Variants in ANK3 observed in about 807,000 individuals in gnomAD.
ANK3 encodes ankyrin-3.
Under a neutral mutation model 370.9 loss-of-function variants are expected in ANK3, and 57 were observed. The observed-to-expected ratio is 0.15, with a 90% confidence interval of 0.12 to 0.19. ANK3 has a LOEUF of 0.19. Among genes scored for constraint, ANK3 ranks in the 10% least tolerant of loss-of-function variants. The pLI is 1.00. For synonymous variants in ANK3, 1,929 were observed against 1,946.3 expected (o/e 0.99, Z 0.23); for missense variants, 4,439 against 5,302.1 (o/e 0.84, Z 5.06).
intron 2 of ANK3, among the ~76,000 whole-genome samples, chr10:60,579,154 G>A (rs750071056): frequency 2.6e-5 from 4 of 151,476 alleles, no homozygotes; most frequent in Non-Finnish European, 5.9e-5. Context: ...GTGAAACCCC[G>A]TCTCTACTAA....
intron 1 of ANK3, among the ~76,000 whole-genome samples, chr10:60,389,202 G>A (rs1026016897): frequency 1.3e-5 from 2 of 151,928 alleles, no homozygotes; most frequent in East Asian, 3.9e-4. Flanking sequence ...CACACTTTCC[G>A]CATAGCCCTG....
intron 2 of ANK3, among the ~76,000 whole-genome samples, chr10:60,563,203 G>T (rs896744184): frequency 2.0e-5 from 3 of 152,112 alleles, no homozygotes; most frequent in Non-Finnish European, 2.9e-5. Flanking sequence ...GATTAAGCAA[G>T]CAGTTTTCTG....
chr10:60,221,713 G>A (rs1025231648), intron 8 of ANK3, among the ~76,000 whole-genome samples: 3 of 152,150 alleles, frequency 2.0e-5, no homozygotes, highest in African/African-American at 7.2e-5. Flanking sequence ...ACGAGGCTTG[G>A]ACTATGAGTG....
chr10:60,205,254 T>C (rs1368272823), intron 11 of ANK3, among the ~76,000 whole-genome samples: 1 of 152,158 alleles, frequency 6.6e-6, no homozygotes, highest in Non-Finnish European at 1.5e-5. Flanking sequence ...AGAGTAACCC[T>C]TACTTGAGAA....
At chr10:60,108,062 TA>T (rs2092374165) in intron 27 of ANK3, 5 of 262,818 alleles carry the variant, frequency 1.9e-5, no homozygotes, top group African/African-American at 7.1e-5. Context: ...CTGAAAGCAT[TA>T]AAAAAAACTT....
At chr10:60,235,942 T>C (rs1052032828) in intron 7 of ANK3, among the ~76,000 whole-genome samples, 2 of 152,178 alleles carry the variant, frequency 1.3e-5, no homozygotes, top group Non-Finnish European at 2.9e-5. Context: ...CAATCCCCAT[T>C]TTACACATGC....
chr10:60,403,854 G>T (rs535260118), intron 2 of ANK3, among the ~76,000 whole-genome samples: 44 of 152,182 alleles, frequency 2.9e-4, no homozygotes, highest in African/African-American at 1.1e-3. Context: ...AAATCCTAAA[G>T]AATTTATGAA....
chr10:60,046,778 G>A (rs2077035034), intron 42 of ANK3, among the ~76,000 whole-genome samples: 1 of 151,124 alleles, frequency 6.6e-6, no homozygotes, highest in Non-Finnish European at 1.5e-5. Context: ...GAGCTCTAAG[G>A]CCTCTCTTCA....
intron 2 of ANK3, among the ~76,000 whole-genome samples, chr10:60,583,739 T>C (rs532381211): frequency 6.3e-4 from 96 of 152,074 alleles, no homozygotes; most frequent in African/African-American, 2.3e-3. Flanking sequence ...CATACTACCA[T>C]GCCTGGCTAA....
intron 23 of ANK3, among the ~76,000 whole-genome samples, chr10:60,146,928 G>A (rs1182494180): frequency 3.3e-5 from 5 of 152,126 alleles, no homozygotes; most frequent in Non-Finnish European, 5.9e-5. Context: ...AAGAAATATG[G>A]TAGGATTAGG....
At chr10:60,674,622 A>G (rs2079102126) in intron 1 of ANK3, among the ~76,000 whole-genome samples, 2 of 152,206 alleles carry the variant, frequency 1.3e-5, no homozygotes, top group African/African-American at 4.8e-5. Context: ...GATTTGGAGG[A>G]GACAAACATC....
intron 43 of ANK3, among the ~76,000 whole-genome samples, chr10:60,040,345 T>G (rs2075870010): frequency 6.6e-6 from 1 of 152,116 alleles, no homozygotes. Flanking sequence ...TCAATATATT[T>G]GCAAATTGAT....
intron 25 of ANK3, among the ~76,000 whole-genome samples, chr10:60,121,841 T>C (rs1319471600): frequency 6.6e-6 from 1 of 152,216 alleles, no homozygotes; most frequent in Middle Eastern, 3.2e-3. Context: ...AGGTGATAGA[T>C]ACCCCATTTG....
At chr10:60,240,299 TATATATA>T (rs1430999615) in intron 7 of ANK3, among the ~76,000 whole-genome samples, 10 of 101,798 alleles carry the variant, frequency 9.8e-5, no homozygotes, top group African/African-American at 3.0e-4. Context: ...TATATATATA[TATATATA>T]TTTTTTTTTC....
At chr10:60,086,917 G>GA in intron 29 of ANK3, 33 bp from the exon 30 acceptor site, 3 of 1,131,154 alleles carry the variant, frequency 2.7e-6, no homozygotes, top group Non-Finnish European at 2.3e-6. Flanking sequence ...AAATGAAAGT[G>GA]ACTTTTTTTT....
rs202059422 is a variant in ANK3, at chr10:60,366,051, TAG to T, written c.114+23372_114+23373del. Among the ~76,000 whole-genome samples the T allele has an allele frequency of 2.5e-3, 382 of 152,276 alleles. 3 individuals are homozygous for T. Among genetic ancestry groups the T allele is most frequent in the Middle Eastern group, 0.02 (6 of 294 alleles). On this transcript the variant is annotated intron_variant, in intron 1 of 43. Transcript: ENST00000280772. ...TACCTGTGTTTTAGGACTAAAATAT[TAG>T]GCCAGGCATGGTGGCTCACACCTGT...
chr10:60,080,639 G>T (rs2132001432), intron 35 of ANK3, 21 bp from the exon 36 acceptor site: 1 of 1,496,324 alleles, frequency 6.7e-7, no homozygotes, highest in Non-Finnish European at 9.0e-7. Context: ...AAAAAAAAAA[G>T]ACAACTCTAT....
At chr10:60,100,467 T>A (rs1464733025) in intron 28 of ANK3, among the ~76,000 whole-genome samples, 1 of 152,080 alleles carries the variant, frequency 6.6e-6, no homozygotes. Context: ...TGAACCCAAT[T>A]GGCAACTTCT....
At chr10:60,198,274 T>C (rs757604751) in intron 14 of ANK3, 66 bp downstream of exon 14, 14 of 1,524,318 alleles carry the variant, frequency 9.2e-6, no homozygotes, top group Non-Finnish European at 1.2e-5. Context: ...CCTGTTACTA[T>C]GCGGGGAAAC....
Sources: gnomAD v4.1 joint callset for allele counts (sites outside exome capture counted in the v4.1 genomes callset) on GRCh38, gnomAD v4.1.1 for gene constraint, MANE v1.5 for transcripts, NCBI Gene and HGNC (gene_info 2026-07-23, HGNC 2026-07-21) for gene names.